The following EMSY variants were observed in gnomAD, a reference collection of about 807,000 sequenced individuals.
The protein encoded by EMSY is EMSY transcriptional repressor, BRCA2 interacting.
Under a neutral mutation model 134.6 loss-of-function variants are expected in EMSY, and 26 were observed. The observed-to-expected ratio is 0.19, with a 90% CI of 0.14 to 0.27. The LOEUF is 0.27. EMSY is among the 10% of genes least tolerant of loss of function. EMSY has a pLI of 1.00. For missense variants in EMSY, 1,305 were observed against 1,611.4 expected (o/e 0.81, Z 3.26); for synonymous variants, 579 against 577.8 (o/e 1.00, Z -0.03).
chr11:76,540,449 CAT>C (rs1306688234), intron 17 of EMSY, among the ~76,000 whole-genome samples: 4 of 152,056 alleles, frequency 2.6e-5, no homozygotes, highest in Non-Finnish European at 4.4e-5. Flanking sequence ...CGTAATTTAA[CAT>C]GTGCATACAA....
At chr11:76,546,672 A>C (rs1018472114) in intron 20 of EMSY, among the ~76,000 whole-genome samples, 2 of 152,166 alleles carry the variant, frequency 1.3e-5, no homozygotes, top group African/African-American at 4.8e-5. Context: ...TTGCTCAAAA[A>C]ATTCTGGAAT....
intron 15 of EMSY, among the ~76,000 whole-genome samples, chr11:76,537,089 G>A (rs993163568): frequency 6.6e-6 from 1 of 151,944 alleles, no homozygotes; most frequent in Non-Finnish European, 1.5e-5. Context: ...GGATTTCTTC[G>A]GTTCTTTGTC....
rs759107180 is a variant in EMSY, at chr11:76,446,968, T to A, written c.30T>A (p.Asp10Glu). 6 of 1,613,622 alleles carry A rather than the reference T, an allele frequency of 3.7e-6. No individual in the cohort carries two copies. The Admixed American group carries it at 1.0e-4, about 27-fold the overall frequency. ...CTGTTGTGTGGCCAACCCTTCTGGA[T>A]CTCAGCAGGGATGAATGCAAAAGAA... Residue 10 changes from aspartate (D) to glutamate (E), a missense_variant, in exon 2 of 21, where the codon GAT becomes GAA. Coordinates refer to ENST00000334736, the Ensembl canonical transcript of EMSY.
At chr11:76,532,764 AT>A (rs1376469622) in intron 14 of EMSY, among the ~76,000 whole-genome samples, 1 of 152,188 alleles carries the variant, frequency 6.6e-6, no homozygotes, top group Admixed American at 6.5e-5. Flanking sequence ...CATGAGTCAA[AT>A]ACAAAAATGT....
chr11:76,526,223 T>A (rs1950841698), intron 12 of EMSY, among the ~76,000 whole-genome samples: 2 of 152,202 alleles, frequency 1.3e-5, no homozygotes, highest in South Asian at 2.1e-4. Context: ...GGTAATTTTT[T>A]AAAATTCGCT....
At chr11:76,460,110 A>G (rs1948047121) in intron 6 of EMSY, 25 bp downstream of exon 7, 1 of 1,612,908 alleles carries the variant, frequency 6.2e-7, no homozygotes. Flanking sequence ...CAGTGTTATC[A>G]GGGCCTTCTT....
intron 9 of EMSY, 142 bp downstream of exon 10, chr11:76,496,611 T>TAC: frequency 1.1e-6 from 1 of 910,952 alleles, no homozygotes; most frequent in Non-Finnish European, 1.7e-6. Flanking sequence ...TTTCAGCATA[T>TAC]AGATTCTGTA....
chr11:76,508,416 T>G (rs1255930436), intron 9 of EMSY, among the ~76,000 whole-genome samples: 2 of 151,844 alleles, frequency 1.3e-5, no homozygotes, highest in Non-Finnish European at 1.5e-5. Flanking sequence ...TGTGAACAGA[T>G]GTGGTGTCAT....
chr11:76,528,411 A>G lies in EMSY; in HGVS notation c.2139A>G (p.Pro713=), dbSNP rs1175096253. The G allele has an allele frequency of 2.5e-6, 4 of 1,611,942 alleles. 1 individual carries two copies. The South Asian group carries it at 3.3e-5, about 13-fold the overall frequency. Residue 713 remains proline (P), a synonymous_variant, in exon 14 of 21, where the codon CCA becomes CCG. Transcript: ENST00000334736. ...CTATTCAGGAAGGAAAAGAAGAACC[A>G]CAGAATTATACAGATAGTAGTTCCT...
At chr11:76,460,400 G>T in intron 6 of EMSY, 2 of 201,824 alleles carry the variant, frequency 9.9e-6, no homozygotes, top group East Asian at 1.1e-4. Context: ...GAAGGAATGT[G>T]CTTATGTAAT....
At chr11:76,505,022 A>C (rs1249403051) in intron 9 of EMSY, among the ~76,000 whole-genome samples, 1 of 152,190 alleles carries the variant, frequency 6.6e-6, no homozygotes, top group African/African-American at 2.4e-5. Flanking sequence ...AATGGGTGCA[A>C]GGAGTAGTAG....
At position 76,513,543 on chromosome 11, in the gene EMSY, C is replaced by T. The variant is rs757567281; in HGVS notation, c.1513+8C>T. 7 of 1,612,082 alleles carry T rather than the reference C, an allele frequency of 4.3e-6. No homozygotes were observed. The highest frequency in any genetic ancestry group is 5.9e-6 in the Non-Finnish European group (7 of 1,178,922). On this transcript the variant is annotated splice_region_variant and intron_variant, in intron 10 of 20. Coordinates refer to ENST00000334736, the Ensembl canonical transcript of EMSY. ...TGGTAACCACTCCTACTGGTAAGTT[C>T]TCTTGAGCATCAGTTCATTTATTCA...
At chr11:76,495,326 C>T (rs1402950881) in intron 8 of EMSY, among the ~76,000 whole-genome samples, 1 of 152,116 alleles carries the variant, frequency 6.6e-6, no homozygotes, top group Admixed American at 6.6e-5. Flanking sequence ...CTATTAGTTT[C>T]TTTTTATTGT....
At chr11:76,518,248 G>A (rs559988808) in intron 11 of EMSY, among the ~76,000 whole-genome samples, 2 of 146,980 alleles carry the variant, frequency 1.4e-5, no homozygotes, top group South Asian at 4.3e-4. Flanking sequence ...GCTTGTTACA[G>A]CGTCAGCCTC....
intron 10 of EMSY, among the ~76,000 whole-genome samples, chr11:76,515,296 T>A (rs762325338): frequency 6.6e-6 from 1 of 152,066 alleles, no homozygotes; most frequent in Non-Finnish European, 1.5e-5. Context: ...GTGAAGATGA[T>A]GTTATCTTAG....
intron 7 of EMSY, among the ~76,000 whole-genome samples, chr11:76,464,500 TTG>T (rs1948271984): frequency 6.6e-6 from 1 of 152,218 alleles, no homozygotes; most frequent in African/African-American, 2.4e-5. Context: ...TGAATAACTT[TTG>T]TTATCTTCTT....
chr11:76,539,691 T>C, intron 17 of EMSY, 51 bp downstream of exon 18: 1 of 1,570,402 alleles, frequency 6.4e-7, no homozygotes, highest in Non-Finnish European at 8.8e-7. Context: ...AAGATGATTG[T>C]TTTGGGGGGA....
At chr11:76,504,763 A>G (rs1199863308) in intron 9 of EMSY, among the ~76,000 whole-genome samples, 1 of 152,238 alleles carries the variant, frequency 6.6e-6, no homozygotes, top group African/African-American at 2.4e-5. Context: ...AATAGGTGAA[A>G]CAATCCAAAT....
At chr11:76,533,473 G>A (rs1951115832) in intron 14 of EMSY, among the ~76,000 whole-genome samples, 1 of 125,372 alleles carries the variant, frequency 8.0e-6, no homozygotes, top group Admixed American at 8.8e-5. Flanking sequence ...GTCTTAGAAA[G>A]TAGTGAGTAC....
Sources: gnomAD v4.1 joint callset for allele counts (sites outside exome capture counted in the v4.1 genomes callset) on GRCh38, gnomAD v4.1.1 for gene constraint, MANE v1.5 for transcripts, NCBI Gene and HGNC (gene_info 2026-07-23, HGNC 2026-07-21) for gene names.